Variants in DNAH5 observed in about 807,000 individuals in gnomAD.
The protein encoded by DNAH5 is axonemal beta dynein heavy chain 5.
DNAH5 carries 372 observed loss-of-function variants against 518.2 expected under a neutral mutation model. The ratio of observed to expected loss-of-function variants is 0.72; its 90% CI spans 0.66 to 0.78. The LOEUF is 0.78. Among genes scored for constraint, DNAH5 ranks in the 30% least tolerant of loss-of-function variants. The pLI, the probability that DNAH5 is intolerant of heterozygous loss-of-function variation, is 0.00. For synonymous variants in DNAH5, 2,039 were observed against 2,025.9 expected (o/e 1.01, Z -0.17); for missense variants, 5,523 against 5,687.0 (o/e 0.97, Z 0.93).
chr5:13,859,326 GACAACAAAAA>G, intron 30 of DNAH5, 116 bp downstream of exon 30: 1 of 1,008,586 alleles, frequency 9.9e-7, no homozygotes, highest in Non-Finnish European at 1.5e-6. Flanking sequence ...CATTAACAGT[GACAACAAAAA>G]GATTGAAGGA....
intron 1 of DNAH5, among the ~76,000 whole-genome samples, chr5:13,981,381 G>A (rs1782663358): frequency 6.6e-6 from 1 of 152,240 alleles, no homozygotes; most frequent in African/African-American, 2.4e-5. Flanking sequence ...CTGGCTTAGA[G>A]TGGAACATTA....
intron 6 of DNAH5, among the ~76,000 whole-genome samples, chr5:13,919,759 T>G (rs1484986000): frequency 6.6e-6 from 1 of 152,200 alleles, no homozygotes; most frequent in Non-Finnish European, 1.5e-5. Context: ...TACTTATCAT[T>G]TCTACGTGTG....
In DNAH5 at chr5:13,713,107, G is replaced by GTATATA. The variant is rs1554018591; in HGVS notation, c.13125+1292_13125+1297dup. 2.2e-3 allele frequency among the ~76,000 whole-genome samples: 308 copies of GTATATA among 139,948 alleles called. 4 individuals are homozygous for GTATATA. The highest frequency in any genetic ancestry group is 4.0e-3 in the African/African-American group (150 of 37,148). The allele number at this position is 139,948 out of a possible 152,430, so 91.8% of individuals were successfully genotyped here. ...TATAAAGAAACTGTGGTGTGTGTGT[G>GTATATA]TATATATATATATATATACACACAC... is the stretch of plus-strand genomic sequence containing the variant. On this transcript the variant is annotated intron_variant, in intron 75 of 78. Coordinates refer to ENST00000265104, the MANE Select transcript of DNAH5 (RefSeq NM_001369.3).
At chr5:13,844,518 G>A (rs1261175280) in intron 32 of DNAH5, among the ~76,000 whole-genome samples, 6 of 152,138 alleles carry the variant, frequency 3.9e-5, no homozygotes, top group African/African-American at 1.4e-4. Context: ...TAGTTAAGAC[G>A]CTATTTTATG....
At chr5:13,738,804 C>T (rs1027619045) in intron 65 of DNAH5, among the ~76,000 whole-genome samples, 1 of 152,060 alleles carries the variant, frequency 6.6e-6, no homozygotes, top group Non-Finnish European at 1.5e-5. Context: ...ATGAGAGACT[C>T]TATCTGTGAT....
chr5:13,936,673 A>G (rs1778951912), intron 1 of DNAH5, among the ~76,000 whole-genome samples: 1 of 152,224 alleles, frequency 6.6e-6, no homozygotes, highest in Admixed American at 6.5e-5. Flanking sequence ...CACTCGAATT[A>G]AAATGGCATG....
At position 13,716,617 on chromosome 5, in the gene DNAH5, T is replaced by A. The variant is rs1744309029; in HGVS notation, c.12779A>T (p.Asp4260Val). The change falls in exon 74 of 79, where the codon GAT becomes GTT. Residue 4260 changes from aspartate to valine, a missense_variant. This residue lies in a region of DNAH5 where 15 missense variants were observed against 33.6 expected (regional missense o/e 0.45). Coordinates refer to ENST00000265104, the MANE Select transcript of DNAH5 (RefSeq NM_001369.3). ...QYGGRVTDDY[D>V]KRLLNTFAKV... ...AGCAAATGTGTTCAACAATCTCTTA[T>A]CATAGTCGTCAGTGACTCTGCCTCC... 1.2e-6 allele frequency: 2 copies of A among 1,613,924 alleles called. No homozygotes were observed. The highest frequency in any genetic ancestry group is 1.7e-6 in the Non-Finnish European group (2 of 1,179,796).
chr5:13,921,473 T>TGTCA (rs1554103971), intron 5 of DNAH5, among the ~76,000 whole-genome samples: 6 of 57,826 alleles, frequency 1.0e-4, no homozygotes, highest in African/African-American at 3.9e-4. Context: ...TCTATCTCTC[T>TGTCA]CTCACACACA....
At chr5:13,801,850 T>TA (rs200256985) in intron 47 of DNAH5, among the ~76,000 whole-genome samples, 19 of 150,974 alleles carry the variant, frequency 1.3e-4, no homozygotes, top group African/African-American at 2.7e-4. Context: ...TACATACAGT[T>TA]AAAAAAAAAC....
At chr5:13,923,037 T>C (rs1777479490) in intron 4 of DNAH5, among the ~76,000 whole-genome samples, 1 of 152,212 alleles carries the variant, frequency 6.6e-6, no homozygotes, top group Non-Finnish European at 1.5e-5. Flanking sequence ...CCCTCACTGT[T>C]ATACACACAC....
chr5:13,743,860 G>C (rs1038877194), intron 65 of DNAH5, among the ~76,000 whole-genome samples: 4 of 152,082 alleles, frequency 2.6e-5, no homozygotes, highest in African/African-American at 9.7e-5. Context: ...CTGTGTGTGG[G>C]AATGTAAACT....
chr5:14,011,051 T>C (rs1333556710), intron 1 of DNAH5, among the ~76,000 whole-genome samples: 2 of 150,316 alleles, frequency 1.3e-5, no homozygotes, highest in East Asian at 1.9e-4. Context: ...TGTAAATGTA[T>C]AGCGTGTGTT....
At chr5:13,892,705 T>C (rs1288289778) in intron 16 of DNAH5, among the ~76,000 whole-genome samples, 1 of 152,218 alleles carries the variant, frequency 6.6e-6, no homozygotes, top group African/African-American at 2.4e-5. Context: ...AAAGTCTATC[T>C]TGGTCGCCTG....
chr5:13,927,112 T>G (rs542931915), intron 3 of DNAH5, among the ~76,000 whole-genome samples: 3 of 152,278 alleles, frequency 2.0e-5, no homozygotes, highest in African/African-American at 7.2e-5. Context: ...TTTAATCAGA[T>G]ATTGACTTAT....
At chr5:13,872,724 A>G (rs1770301013) in intron 22 of DNAH5, among the ~76,000 whole-genome samples, 1 of 152,148 alleles carries the variant, frequency 6.6e-6, no homozygotes, top group Admixed American at 6.5e-5. Flanking sequence ...TATTTTTCCC[A>G]GCAAAACAAA....
rs565296795 is a variant in DNAH5, at chr5:13,909,044, A to C, written c.1644+2342T>G. 3.3e-5 allele frequency among the ~76,000 whole-genome samples: 5 copies of C among 152,366 alleles called. 2 individuals are homozygous for C. Among genetic ancestry groups the C allele is most frequent in the African/African-American group, 1.2e-4 (5 of 41,584 alleles). On this transcript the variant is annotated intron_variant, in intron 12 of 78. Transcript: ENST00000265104. The stretch of plus-strand genomic sequence containing the variant: ...GGAATAAAGAAGTGTAAGTCAAAGA[A>C]AAACTCATTGGCAAACCAAAGACAG...
intron 32 of DNAH5, among the ~76,000 whole-genome samples, chr5:13,842,423 A>AAAAGAAAAGAAAGAAAG (rs1554073317): frequency 4.9e-4 from 37 of 75,958 alleles, no homozygotes; most frequent in Non-Finnish European, 8.0e-4. Context: ...AAAAGAAAAG[A>AAAAGAAAAGAAAGAAAG]AAAGAAAGAA....
At chr5:13,882,204 G>A (rs1043567770) in intron 21 of DNAH5, among the ~76,000 whole-genome samples, 2 of 151,918 alleles carry the variant, frequency 1.3e-5, no homozygotes, top group Non-Finnish European at 2.9e-5. Context: ...CCACCAGATG[G>A]TTGCATAGCT....
At chr5:13,729,111 G>A (rs1413874888) in intron 69 of DNAH5, among the ~76,000 whole-genome samples, 1 of 152,184 alleles carries the variant, frequency 6.6e-6, no homozygotes, top group African/African-American at 2.4e-5. Flanking sequence ...AGAAGGAAAA[G>A]GCTTTTTAAG....
Sources: allele counts gnomAD v4.1 joint callset (sites outside exome capture counted in the v4.1 genomes callset), GRCh38; gene constraint gnomAD v4.1.1; regional missense constraint gnomAD v4.1.1; transcripts MANE v1.5; gene names NCBI Gene and HGNC (gene_info 2026-07-23, HGNC 2026-07-21).